Variants in MYT1L observed in about 807,000 individuals in gnomAD.
The protein encoded by MYT1L is myelin transcription factor 1 like, also known as myelin transcription factor 1-like protein.
A neutral mutation model predicts 126.7 loss-of-function variants in MYT1L; 12 were observed. The observed-to-expected ratio is 0.09, with a 90% confidence interval of 0.06 to 0.15. MYT1L has a LOEUF of 0.15. Among genes scored for constraint, MYT1L ranks in the 10% least tolerant of loss-of-function variants. The pLI is 1.00. For missense variants in MYT1L, 979 were observed against 1,585.2 expected (o/e 0.62, Z 6.49); for synonymous variants, 541 against 604.2 (o/e 0.90, Z 1.53).
At chr2:2,049,289 T>A (rs1272547453) in intron 4 of MYT1L, among the ~76,000 whole-genome samples, 1 of 152,222 alleles carries the variant, frequency 6.6e-6, no homozygotes, top group Non-Finnish European at 1.5e-5. Flanking sequence ...TCTCTGTGTG[T>A]ATATACACAT....
intron 1 of MYT1L, among the ~76,000 whole-genome samples, chr2:2,312,923 A>G (rs962386246): frequency 6.6e-6 from 1 of 152,112 alleles, no homozygotes; most frequent in Non-Finnish European, 1.5e-5. Flanking sequence ...AGAGGAATGT[A>G]TCTTTGGCTA....
chr2:1,955,104 G>A (rs2058225516), intron 8 of MYT1L, among the ~76,000 whole-genome samples: 1 of 149,046 alleles, frequency 6.7e-6, no homozygotes, highest in Non-Finnish European at 1.5e-5. Context: ...TCAAGCCACT[G>A]CACACTCCAG....
intron 2 of MYT1L, among the ~76,000 whole-genome samples, chr2:2,243,566 G>A (rs1322754349): frequency 1.3e-5 from 2 of 152,160 alleles, no homozygotes; most frequent in Admixed American, 6.5e-5. Flanking sequence ...GTAGAATAGA[G>A]TAGACTTTTG....
At chr2:2,129,516 C>A (rs2082097814) in intron 3 of MYT1L, among the ~76,000 whole-genome samples, 1 of 152,160 alleles carries the variant, frequency 6.6e-6, no homozygotes, top group Non-Finnish European at 1.5e-5. Context: ...GCTGTCCCCC[C>A]AGAGTGCCTG....
intron 3 of MYT1L, among the ~76,000 whole-genome samples, chr2:2,098,836 G>A (rs1370524563): frequency 5.9e-5 from 9 of 152,196 alleles, no homozygotes; most frequent in Admixed American, 2.6e-4. Context: ...CACACCCTAC[G>A]GTGAAATTAA....
At chr2:2,004,178 C>A (rs1333879824) in intron 4 of MYT1L, among the ~76,000 whole-genome samples, 1 of 150,232 alleles carries the variant, frequency 6.7e-6, no homozygotes, top group Non-Finnish European at 1.5e-5. Flanking sequence ...TTCCTGCGTG[C>A]CTCCTTTCCT....
intron 2 of MYT1L, among the ~76,000 whole-genome samples, chr2:2,200,884 T>A (rs2093043363): frequency 6.6e-6 from 1 of 152,176 alleles, no homozygotes; most frequent in Non-Finnish European, 1.5e-5. Flanking sequence ...GGGAGTGCCA[T>A]GGTGCTCAGC....
chr2:2,103,746 G>A lies in MYT1L; in HGVS notation c.-303-49623C>T, dbSNP rs57543349. On this transcript the variant is annotated intron_variant, in intron 3 of 24. Transcript: ENST00000647738. ...TCTCACTTATGCCCTGGGATGCTCC[G>A]CAGACATACTTTCTCCTTCACGAGA... Among the ~76,000 whole-genome samples the A allele has an allele frequency of 4.4e-3, 663 of 152,312 alleles. 6 individuals carry two copies. Among genetic ancestry groups the A allele is most frequent in the African/African-American group, 0.015 (629 of 41,580 alleles).
chr2:1,956,191 G>GTCTGTCTATCTATCTATCTC (rs1553354694), intron 8 of MYT1L, among the ~76,000 whole-genome samples: 84 of 145,986 alleles, frequency 5.8e-4, no homozygotes, highest in African/African-American at 2.1e-3. Context: ...TTACCTAGCT[G>GTCTGTCTATCTATCTATCTC]TCTATCTATC....
At chr2:1,904,856 C>T (rs944295685) in intron 13 of MYT1L, among the ~76,000 whole-genome samples, 5 of 150,426 alleles carry the variant, frequency 3.3e-5, no homozygotes, top group African/African-American at 1.2e-4. Flanking sequence ...TGCAGTGGTG[C>T]GATCTCGGCT....
chr2:2,135,541 T>C (rs766587129), intron 3 of MYT1L, among the ~76,000 whole-genome samples: 4 of 152,254 alleles, frequency 2.6e-5, no homozygotes, highest in African/African-American at 7.2e-5. Context: ...TCCTGTCTCA[T>C]TGACCATTCT....
chr2:1,907,556 G>A (rs2051254674), intron 13 of MYT1L, among the ~76,000 whole-genome samples: 1 of 152,154 alleles, frequency 6.6e-6, no homozygotes. Flanking sequence ...AGGTAGGAGG[G>A]GAGGAGAGGC....
At chr2:2,251,583 T>C (rs2094651260) in intron 2 of MYT1L, among the ~76,000 whole-genome samples, 1 of 152,116 alleles carries the variant, frequency 6.6e-6, no homozygotes, top group Non-Finnish European at 1.5e-5. Flanking sequence ...CACCTGGACA[T>C]TGAGGAAGTA....
At chr2:1,869,138 C>A (rs570932493) in intron 18 of MYT1L, among the ~76,000 whole-genome samples, 2 of 152,352 alleles carry the variant, frequency 1.3e-5, no homozygotes, top group South Asian at 2.1e-4. Flanking sequence ...ACCAGAATCA[C>A]GTGTTAGCTG....
chr2:2,107,026 A>G (rs780230304), intron 3 of MYT1L, among the ~76,000 whole-genome samples: 53 of 151,916 alleles, frequency 3.5e-4, no homozygotes, highest in Admixed American at 7.9e-4. Flanking sequence ...TACCTCATCT[A>G]TAAAGTGGAG....
At chr2:2,121,547 C>G (rs969073461) in intron 3 of MYT1L, among the ~76,000 whole-genome samples, 1 of 151,874 alleles carries the variant, frequency 6.6e-6, no homozygotes, top group South Asian at 2.1e-4. Flanking sequence ...AGTGCAGTGG[C>G]GTGATCTTGG....
intron 4 of MYT1L, among the ~76,000 whole-genome samples, chr2:2,017,763 T>C (rs2064585514): frequency 6.6e-6 from 1 of 151,988 alleles, no homozygotes; most frequent in Non-Finnish European, 1.5e-5. Context: ...CATCTTATAA[T>C]CCAACAAAAC....
chr2:2,229,651 T>G (rs920851253), intron 2 of MYT1L, among the ~76,000 whole-genome samples: 1 of 152,168 alleles, frequency 6.6e-6, no homozygotes, highest in Middle Eastern at 3.4e-3. Context: ...CAGGCTGGTC[T>G]TGAACTCCTG....
chr2:2,150,314 G>A (rs2085546327), intron 3 of MYT1L, among the ~76,000 whole-genome samples: 1 of 152,196 alleles, frequency 6.6e-6, no homozygotes, highest in African/African-American at 2.4e-5. Context: ...GTCTTCACAT[G>A]TATGGGCAAT....
Sources: gnomAD v4.1 joint callset for allele counts (sites outside exome capture counted in the v4.1 genomes callset) on GRCh38, gnomAD v4.1.1 for gene constraint, MANE v1.5 for transcripts, NCBI Gene and HGNC (gene_info 2026-07-23, HGNC 2026-07-21) for gene names.